The following AUTS2 variants were observed in gnomAD, a reference collection of about 807,000 sequenced individuals.
AUTS2 encodes the protein autism susceptibility gene 2 protein.
In AUTS2, 17 loss-of-function variants were observed where a neutral mutation model predicts 112.4. The ratio of observed to expected loss-of-function variants is 0.15; its 90% CI spans 0.10 to 0.23. The LOEUF (loss-of-function observed/expected upper bound fraction) is 0.23. AUTS2 is among the 10% of genes least tolerant of loss of function. AUTS2 has a pLI of 1.00. For missense variants in AUTS2, 1,510 were observed against 1,701.6 expected (o/e 0.89, Z 1.98); for synonymous variants, 751 against 702.7 (o/e 1.07, Z -1.09).
chr7:69,795,571 C>T (rs1584257575), intron 1 of AUTS2, among the ~76,000 whole-genome samples: 1 of 152,198 alleles, frequency 6.6e-6, no homozygotes, highest in East Asian at 1.9e-4. Context: ...AGAATTAGAG[C>T]AGTTAGGAGG....
At chr7:70,444,000 C>A (rs1399668070) in intron 5 of AUTS2, among the ~76,000 whole-genome samples, 1 of 152,142 alleles carries the variant, frequency 6.6e-6, no homozygotes, top group Admixed American at 6.5e-5. Flanking sequence ...ATTCTGTGTT[C>A]CCACAGAAAA....
At chr7:69,607,226 C>A (rs1256453454) in intron 1 of AUTS2, among the ~76,000 whole-genome samples, 2 of 152,108 alleles carry the variant, frequency 1.3e-5, no homozygotes, top group African/African-American at 4.8e-5. Context: ...TGAATTGGTG[C>A]CTTCTTTGAA....
At chr7:70,381,782 C>A (rs948529324) in intron 4 of AUTS2, among the ~76,000 whole-genome samples, 3 of 152,168 alleles carry the variant, frequency 2.0e-5, no homozygotes, top group African/African-American at 7.2e-5. Context: ...TGACTTCCTC[C>A]TGCTCCTACC....
At chr7:70,435,545 C>G (rs1415318340) in intron 4 of AUTS2, among the ~76,000 whole-genome samples, 4 of 152,168 alleles carry the variant, frequency 2.6e-5, no homozygotes, top group Non-Finnish European at 5.9e-5. Flanking sequence ...AACAAAATAA[C>G]TTTTTTGCAT....
chr7:69,826,377 G>A (rs1252839545), intron 1 of AUTS2, among the ~76,000 whole-genome samples: 1 of 152,212 alleles, frequency 6.6e-6, no homozygotes, highest in Non-Finnish European at 1.5e-5. Context: ...CCTGGGCCTT[G>A]AATCCACAGC....
chr7:70,278,449 G>A (rs1253345059), intron 4 of AUTS2, among the ~76,000 whole-genome samples: 1 of 152,078 alleles, frequency 6.6e-6, no homozygotes, highest in Non-Finnish European at 1.5e-5. Flanking sequence ...TGGGTGTAGT[G>A]GCACATACCT....
chr7:70,214,820 A>T (rs1811090242), intron 4 of AUTS2, among the ~76,000 whole-genome samples: 1 of 152,226 alleles, frequency 6.6e-6, no homozygotes, highest in African/African-American at 2.4e-5. Context: ...GTTTATAGCT[A>T]TGTGATAGTT....
chr7:69,980,148 G>T (rs1028871962), intron 2 of AUTS2, among the ~76,000 whole-genome samples: 2 of 151,834 alleles, frequency 1.3e-5, no homozygotes, highest in Non-Finnish European at 2.9e-5. Context: ...TCACTCTGTC[G>T]CCCAGGCTGG....
intron 5 of AUTS2, among the ~76,000 whole-genome samples, chr7:70,688,752 A>T (rs1467905486): frequency 6.6e-6 from 1 of 152,214 alleles, no homozygotes; most frequent in Non-Finnish European, 1.5e-5. Flanking sequence ...TGAGCCTAGT[A>T]GTTGGAGGCT....
At chr7:70,125,517 A>G (rs1178617989) in intron 3 of AUTS2, among the ~76,000 whole-genome samples, 3 of 152,020 alleles carry the variant, frequency 2.0e-5, no homozygotes, top group Non-Finnish European at 4.4e-5. Context: ...TTTCTCTCAC[A>G]GATGTGCTGA....
intron 4 of AUTS2, among the ~76,000 whole-genome samples, chr7:70,167,361 A>C (rs1808438382): frequency 6.6e-6 from 1 of 152,230 alleles, no homozygotes; most frequent in African/African-American, 2.4e-5. Flanking sequence ...CATCAAGAAA[A>C]CAAGAATTCA....
At chr7:70,545,543 A>T (rs1411539852) in intron 5 of AUTS2, among the ~76,000 whole-genome samples, 1 of 152,194 alleles carries the variant, frequency 6.6e-6, no homozygotes. Context: ...AACCTCATTC[A>T]CCCTTCTGTG....
At chr7:69,984,189 G>A (rs903061907) in intron 2 of AUTS2, among the ~76,000 whole-genome samples, 2 of 152,044 alleles carry the variant, frequency 1.3e-5, no homozygotes, top group Non-Finnish European at 2.9e-5. Context: ...AGGCCAAGGC[G>A]GGCGGATCAC....
intron 1 of AUTS2, among the ~76,000 whole-genome samples, chr7:69,804,497 G>A (rs898152306): frequency 2.6e-5 from 4 of 152,088 alleles, no homozygotes; most frequent in African/African-American, 4.8e-5. Context: ...TGTCACCTTC[G>A]TCTCTACTTT....
intron 5 of AUTS2, among the ~76,000 whole-genome samples, chr7:70,536,091 G>T (rs891956461): frequency 1.3e-5 from 2 of 152,148 alleles, no homozygotes; most frequent in African/African-American, 4.8e-5. Context: ...AATTTGGGAG[G>T]CCAAGGTGGG....
At chr7:69,953,132 A>C (rs1394457024) in intron 2 of AUTS2, among the ~76,000 whole-genome samples, 1 of 152,164 alleles carries the variant, frequency 6.6e-6, no homozygotes, top group Non-Finnish European at 1.5e-5. Flanking sequence ...TTTGATAAGA[A>C]TCTGTTAAGA....
At chr7:69,669,337 A>G (rs1194406215) in intron 1 of AUTS2, among the ~76,000 whole-genome samples, 1 of 152,068 alleles carries the variant, frequency 6.6e-6, no homozygotes, top group African/African-American at 2.4e-5. Context: ...GTATGTATGT[A>G]TGTGTATGTA....
intron 2 of AUTS2, among the ~76,000 whole-genome samples, chr7:70,101,833 A>G (rs1325566155): frequency 1.3e-5 from 2 of 152,228 alleles, no homozygotes; most frequent in Admixed American, 6.5e-5. Context: ...TCTCCCAACT[A>G]GAATTTCTTC....
intron 1 of AUTS2, among the ~76,000 whole-genome samples, chr7:69,609,622 G>A (rs1299104965): frequency 1.3e-5 from 2 of 152,120 alleles, no homozygotes; most frequent in East Asian, 3.8e-4. Flanking sequence ...CTTTAGCCTA[G>A]CAATCTGTGG....
Sources: gnomAD v4.1 joint callset for allele counts (sites outside exome capture counted in the v4.1 genomes callset) on GRCh38, gnomAD v4.1.1 for gene constraint, MANE v1.5 for transcripts, NCBI Gene and HGNC (gene_info 2026-07-23, HGNC 2026-07-21) for gene names.